GPC5: variants seen among roughly 807,000 people sequenced by gnomAD.
The protein encoded by GPC5 is glypican 5, also known as glypican-5.
GPC5 carries 47 observed loss-of-function variants against 53.9 expected under a neutral mutation model. That is an observed-to-expected ratio of 0.87 (90% CI 0.69 to 1.11). The LOEUF is 1.11. Among genes scored for constraint, GPC5 ranks in the 50% most tolerant of loss-of-function variants. The probability of loss-of-function intolerance (pLI) is 0.00; values close to 1 mark genes in which losing one functional copy is unlikely to be tolerated. For missense variants in GPC5, 748 were observed against 713.1 expected (o/e 1.05, Z -0.56); for synonymous variants, 286 against 263.3 (o/e 1.09, Z -0.84).
intron 7 of GPC5, among the ~76,000 whole-genome samples, chr13:92,433,006 G>A (rs901232338): frequency 6.6e-6 from 1 of 152,098 alleles, no homozygotes; most frequent in Non-Finnish European, 1.5e-5. Context: ...CTATTATTTT[G>A]CAAAATTTAC....
intron 3 of GPC5, among the ~76,000 whole-genome samples, chr13:91,702,255 T>G (rs1202267579): frequency 6.6e-6 from 1 of 152,160 alleles, no homozygotes; most frequent in Non-Finnish European, 1.5e-5. Context: ...CTCTTCACTC[T>G]GTTGATTGTT....
intron 7 of GPC5, among the ~76,000 whole-genome samples, chr13:92,281,505 G>A (rs1205307817): frequency 6.6e-6 from 1 of 152,152 alleles, no homozygotes; most frequent in Admixed American, 6.5e-5. Flanking sequence ...CCCAGTAGGG[G>A]GAGACTGACA....
intron 7 of GPC5, among the ~76,000 whole-genome samples, chr13:92,507,059 TC>T (rs1315414739): frequency 6.6e-6 from 1 of 152,188 alleles, no homozygotes; most frequent in East Asian, 1.9e-4. Context: ...ACATGCAGCT[TC>T]CTCTGCCTAG....
At chr13:92,726,844 G>A (rs547942260) in intron 7 of GPC5, among the ~76,000 whole-genome samples, 21 of 151,370 alleles carry the variant, frequency 1.4e-4, no homozygotes, top group South Asian at 8.3e-4. Context: ...ATAAGTACTC[G>A]TTCTGAATGT....
chr13:91,746,410 A>T (rs2037051786), intron 4 of GPC5, among the ~76,000 whole-genome samples: 1 of 152,220 alleles, frequency 6.6e-6, no homozygotes, highest in African/African-American at 2.4e-5. Flanking sequence ...GAAAATCTCC[A>T]TTTGAAAATA....
At chr13:92,756,392 C>T (rs1011276197) in intron 7 of GPC5, among the ~76,000 whole-genome samples, 6 of 151,712 alleles carry the variant, frequency 4.0e-5, no homozygotes, top group African/African-American at 1.5e-4. Context: ...TGGACAAAAA[C>T]TGGAAGCATT....
At chr13:91,540,491 G>A (rs2029877475) in intron 2 of GPC5, among the ~76,000 whole-genome samples, 2 of 152,294 alleles carry the variant, frequency 1.3e-5, no homozygotes, top group African/African-American at 2.4e-5. Flanking sequence ...ACTGCTAACC[G>A]ATACAGGGTG....
intron 6 of GPC5, among the ~76,000 whole-genome samples, chr13:92,108,632 A>T (rs1300159993): frequency 6.6e-6 from 1 of 152,194 alleles, no homozygotes; most frequent in East Asian, 1.9e-4. Flanking sequence ...TTGTTTCCTC[A>T]CATGTGATCA....
At chr13:92,144,396 T>G (rs930210707) in intron 6 of GPC5, among the ~76,000 whole-genome samples, 1 of 152,202 alleles carries the variant, frequency 6.6e-6, no homozygotes, top group Non-Finnish European at 1.5e-5. Context: ...ACAGAATCAT[T>G]TTCTGGAAGA....
At chr13:91,970,236 T>C (rs1450898506) in intron 6 of GPC5, among the ~76,000 whole-genome samples, 1 of 152,038 alleles carries the variant, frequency 6.6e-6, no homozygotes, top group African/African-American at 2.4e-5. Context: ...CTTATAGAAA[T>C]AGAAGTAGAG....
At chr13:91,818,824 G>T (rs955914362) in intron 5 of GPC5, among the ~76,000 whole-genome samples, 2 of 152,144 alleles carry the variant, frequency 1.3e-5, no homozygotes, top group African/African-American at 4.8e-5. Context: ...TAGAGACAAA[G>T]AGGACACAAC....
chr13:92,700,420 G>T (rs1268477588), intron 7 of GPC5, among the ~76,000 whole-genome samples: 1 of 151,778 alleles, frequency 6.6e-6, no homozygotes, highest in Non-Finnish European at 1.5e-5. Flanking sequence ...TCTTTTAATT[G>T]GGGCAATTAG....
chr13:92,676,776 T>C (rs1886956097), intron 7 of GPC5, among the ~76,000 whole-genome samples: 2 of 152,180 alleles, frequency 1.3e-5, no homozygotes, highest in Non-Finnish European at 2.9e-5. Flanking sequence ...TAAAGAATTA[T>C]ATCTTTTAAT....
At chr13:91,905,626 T>C (rs567017601) in intron 5 of GPC5, among the ~76,000 whole-genome samples, 1 of 152,238 alleles carries the variant, frequency 6.6e-6, no homozygotes, top group African/African-American at 2.4e-5. Flanking sequence ...ACTGGAAGTA[T>C]ATTATCTCAG....
rs1291760774 is a variant in GPC5, at chr13:91,912,849, T to C, written c.1401+4792T>C. Among the ~76,000 whole-genome samples, 15 of 152,188 alleles carry C rather than the reference T, an allele frequency of 9.9e-5. 1 individual carries two copies. The highest frequency in any genetic ancestry group is 2.2e-4 in the Non-Finnish European group (15 of 68,028). ...ATGTTGAAACTAACAATATGTTCCTTAACAATTGTATTTTGATACATATTG... is the reference window on the plus strand; with the variant it reads ...ATGTTGAAACTAACAATATGTTCCTCAACAATTGTATTTTGATACATATTG... On this transcript the variant is annotated intron_variant, in intron 6 of 7. Transcript: ENST00000377067.
At chr13:92,164,973 C>A (rs1309802224) in intron 7 of GPC5, among the ~76,000 whole-genome samples, 1 of 152,230 alleles carries the variant, frequency 6.6e-6, no homozygotes, top group Non-Finnish European at 1.5e-5. Flanking sequence ...CCCTTTTAGC[C>A]ACAGCTGGGA....
At chr13:92,831,740 T>G (rs1878050954) in intron 7 of GPC5, among the ~76,000 whole-genome samples, 1 of 152,166 alleles carries the variant, frequency 6.6e-6, no homozygotes, top group African/African-American at 2.4e-5. Flanking sequence ...TTATCTGAGC[T>G]CTCTCTGTAT....
chr13:92,297,092 C>G (rs927564465), intron 7 of GPC5, among the ~76,000 whole-genome samples: 1 of 152,244 alleles, frequency 6.6e-6, no homozygotes, highest in African/African-American at 2.4e-5. Context: ...CCTGCAGCCC[C>G]TGTGCGGGAT....
chr13:92,845,579 C>A (rs1467730436), intron 7 of GPC5, among the ~76,000 whole-genome samples: 4 of 152,116 alleles, frequency 2.6e-5, no homozygotes, highest in Admixed American at 2.6e-4. Flanking sequence ...GTGCAATCTG[C>A]TTTACTCAGT....
Sources: allele counts gnomAD v4.1 joint callset (sites outside exome capture counted in the v4.1 genomes callset), GRCh38; gene constraint gnomAD v4.1.1; transcripts MANE v1.5; gene names NCBI Gene and HGNC (gene_info 2026-07-23, HGNC 2026-07-21).